SLC24A2: variants seen among roughly 807,000 people sequenced by gnomAD.
SLC24A2 encodes the protein solute carrier family 24 member 2, also known as sodium/potassium/calcium exchanger 2.
A neutral mutation model predicts 62.0 loss-of-function variants in SLC24A2; 36 were observed. The observed-to-expected ratio is 0.58, with a 90% CI of 0.44 to 0.77. The LOEUF is 0.77. Ranked by LOEUF, SLC24A2 falls within the 30% of genes least tolerant of loss-of-function variation. The pLI is 0.00. For missense variants in SLC24A2, 846 were observed against 817.9 expected (o/e 1.03, Z -0.42); for synonymous variants, 358 against 294.0 (o/e 1.22, Z -2.23).
the SLC24A2 span, among the ~76,000 whole-genome samples, chr9:19,953,383 T>C: frequency 2.6e-5 from 4 of 152,052 alleles, no homozygotes; most frequent in Non-Finnish European, 5.9e-5. Context: ...CTAGATATCA[T>C]GGCAGATCTG....
At chr9:20,202,844 G>T in the SLC24A2 span, among the ~76,000 whole-genome samples, 1 of 152,260 alleles carries the variant, frequency 6.6e-6, no homozygotes, top group African/African-American at 2.4e-5. Flanking sequence ...AACATAGAAA[G>T]CAGTAATTTC....
At chr9:20,032,250 T>A in the SLC24A2 span, among the ~76,000 whole-genome samples, 1 of 152,174 alleles carries the variant, frequency 6.6e-6, no homozygotes. Context: ...TCCTTAATTC[T>A]CTCTGTTACA....
At chr9:20,031,754 C>G in the SLC24A2 span, among the ~76,000 whole-genome samples, 3 of 152,096 alleles carry the variant, frequency 2.0e-5, no homozygotes, top group African/African-American at 7.2e-5. Flanking sequence ...CAGCCCCAAT[C>G]CTGACTCTAG....
the SLC24A2 span, among the ~76,000 whole-genome samples, chr9:19,875,747 G>C: frequency 9.9e-5 from 15 of 152,160 alleles, no homozygotes; most frequent in Admixed American, 9.8e-4. Context: ...ATATTGAAAG[G>C]AATGATGAAC....
the SLC24A2 span, among the ~76,000 whole-genome samples, chr9:19,831,907 C>T: frequency 4.6e-5 from 7 of 152,188 alleles, no homozygotes; most frequent in African/African-American, 1.7e-4. Context: ...TAGAAGTAAA[C>T]ATTTTGCTCA....
At chr9:19,636,191 A>C (rs1231238211) in intron 2 of SLC24A2, among the ~76,000 whole-genome samples, 1 of 152,172 alleles carries the variant, frequency 6.6e-6, no homozygotes, top group Non-Finnish European at 1.5e-5. Flanking sequence ...GTATTGGCTT[A>C]TTGGTAGACA....
chr9:20,029,897 TATGGTGTGACAAGCCCC>T, the SLC24A2 span, among the ~76,000 whole-genome samples: 1 of 152,112 alleles, frequency 6.6e-6, no homozygotes, highest in Non-Finnish European at 1.5e-5. Context: ...GCAGTTATAT[TATGGTGTGACAAGCCCC>T]ATGTTAGTGT....
chr9:20,201,987 A>T, the SLC24A2 span, among the ~76,000 whole-genome samples: 2 of 151,822 alleles, frequency 1.3e-5, no homozygotes, highest in Non-Finnish European at 2.9e-5. Context: ...GAAAAACATT[A>T]CTTGGCCTGT....
intron 7 of SLC24A2, among the ~76,000 whole-genome samples, chr9:19,568,830 A>C (rs1007778014): frequency 7.2e-5 from 11 of 152,196 alleles, no homozygotes; most frequent in Non-Finnish European, 1.5e-4. Flanking sequence ...GTGCATATTA[A>C]AAAGCTTCCT....
At chr9:19,557,912 T>C (rs1456474058) in intron 7 of SLC24A2, among the ~76,000 whole-genome samples, 1 of 151,810 alleles carries the variant, frequency 6.6e-6, no homozygotes, top group Non-Finnish European at 1.5e-5. Flanking sequence ...TCCATCTCCC[T>C]GGGCTCAAGC....
chr9:19,649,015 A>C (rs915924649), intron 2 of SLC24A2, among the ~76,000 whole-genome samples: 3 of 151,432 alleles, frequency 2.0e-5, no homozygotes, highest in Admixed American at 6.6e-5. Context: ...AAAAAAAAAA[A>C]AAAACAAAAA....
chr9:19,541,213 A>G (rs374557882), intron 8 of SLC24A2, among the ~76,000 whole-genome samples: 54 of 136,678 alleles, frequency 4.0e-4, no homozygotes, highest in African/African-American at 5.3e-4. Flanking sequence ...GCTCGTCAAA[A>G]TCATTCTCCA....
the SLC24A2 span, among the ~76,000 whole-genome samples, chr9:20,188,106 G>A: frequency 8.6e-6 from 1 of 116,492 alleles, no homozygotes; most frequent in African/African-American, 3.1e-5. Flanking sequence ...CCTGTCAGAA[G>A]AGGATTAGAG....
chr9:19,543,556 C>T (rs1834390479), intron 8 of SLC24A2, among the ~76,000 whole-genome samples: 1 of 152,116 alleles, frequency 6.6e-6, no homozygotes, highest in African/African-American at 2.4e-5. Context: ...TCTGCTTTCT[C>T]TTGTGGGCAT....
chr9:20,041,005 G>C, the SLC24A2 span, among the ~76,000 whole-genome samples: 2 of 152,184 alleles, frequency 1.3e-5, no homozygotes, highest in Non-Finnish European at 2.9e-5. Flanking sequence ...CTCCTAAAAA[G>C]GGCAGCTCTG....
At chr9:19,684,253 A>G (rs1191123836) in intron 2 of SLC24A2, among the ~76,000 whole-genome samples, 1 of 152,118 alleles carries the variant, frequency 6.6e-6, no homozygotes, top group Non-Finnish European at 1.5e-5. Context: ...TTGTTCTAAA[A>G]GAGGCAAGAA....
intron 5 of SLC24A2, among the ~76,000 whole-genome samples, chr9:19,596,650 T>C (rs7855487): frequency 0.02 from 2,995 of 152,228 alleles, 91 homozygotes; most frequent in African/African-American, 0.067. Context: ...GTGGGAACCC[T>C]CATGTAGACA....
At chr9:20,097,091 T>C in the SLC24A2 span, among the ~76,000 whole-genome samples, 3 of 152,206 alleles carry the variant, frequency 2.0e-5, no homozygotes, top group Admixed American at 1.3e-4. Context: ...ACACCTATAA[T>C]AAATATTCCT....
the SLC24A2 span, among the ~76,000 whole-genome samples, chr9:20,053,341 A>G: frequency 6.6e-6 from 1 of 152,166 alleles, no homozygotes; most frequent in Non-Finnish European, 1.5e-5. Context: ...GTGCCACAAT[A>G]GAGGGGCATA....
Sources: allele counts gnomAD v4.1 joint callset (sites outside exome capture counted in the v4.1 genomes callset), GRCh38; gene constraint gnomAD v4.1.1; transcripts MANE v1.5; gene names NCBI Gene and HGNC (gene_info 2026-07-23, HGNC 2026-07-21).